Variants in RDH5 observed in about 807,000 individuals in gnomAD.
RDH5 encodes 11-cis RDH.
Under a neutral mutation model 24.0 loss-of-function variants are expected in RDH5, and 25 were observed. The ratio of observed to expected loss-of-function variants is 1.04; its 90% CI spans 0.76 to 1.46. The LOEUF is 1.46. Ranked by LOEUF, RDH5 falls within the 40% of genes most tolerant of loss-of-function variation. The probability of loss-of-function intolerance (pLI) is 0.00; values close to 1 mark genes in which losing one functional copy is unlikely to be tolerated. For synonymous variants in RDH5, 170 were observed against 175.2 expected (o/e 0.97, Z 0.23); for missense variants, 369 against 410.3 (o/e 0.90, Z 0.87).
In RDH5 at chr12:55,721,172, T is replaced by G. The variant is rs767831218; in HGVS notation, c.-13T>G. On this transcript the variant is annotated 5_prime_UTR_variant, in exon 2 of 5. Transcript: ENST00000257895. This position sits in a 1 kb window ranked among gnomAD's most constrained non-coding sequence, Gnocchi z 4.7. ...GCCTAGGCTGCCACCTGTAGGTCAC[T>G]TGGGCTCCAGCTATGTGGCTGCCTC... is the stretch of plus-strand genomic sequence containing the variant. The G allele has an allele frequency of 1.2e-6, 2 of 1,613,666 alleles. No homozygotes were observed. Among genetic ancestry groups the G allele is most frequent in the South Asian group, 2.2e-5 (2 of 91,072 alleles).
Position 55,724,045 on chromosome 12 carries a change from C to A in RDH5, c.729C>A (p.Thr243=). 6.2e-7 allele frequency: 1 copy of A among 1,609,566 alleles called. No individual in the cohort carries two copies. The highest frequency in any genetic ancestry group is 1.1e-5 in the South Asian group (1 of 91,034). Residue 243 remains threonine, a synonymous_variant, in exon 4 of 5, where the codon ACC becomes ACA. Coordinates refer to ENST00000257895, the MANE Select transcript of RDH5 (RefSeq NM_002905.5). Reference sequence around the variant, plus strand: ...CCCACTATGGGGGGGCCTTCCTCACCAAGTGTGAGTAGCCAGGCCCACACA... The same window carrying A: ...CCCACTATGGGGGGGCCTTCCTCACAAAGTGTGAGTAGCCAGGCCCACACA... ...TQAHYGGAFL[T]KYLKMQQRIM...
chr12:55,720,873 G>C (rs1308609555), intron 1 of RDH5: 1 of 295,784 alleles, frequency 3.4e-6, no homozygotes, highest in Non-Finnish European at 5.8e-6. Context: ...GACAGAGTGA[G>C]ACTCCATCTC....
chr12:55,721,361 C>T lies in RDH5; in HGVS notation c.177C>T (p.Cys59=), dbSNP rs1228372813. ...GAGGCTTCCGAGTCCTGGCCAGCTGCCTGACCCCCTCCGGGGCCGAGGACC... is the reference window on the plus strand; with the variant it reads ...GAGGCTTCCGAGTCCTGGCCAGCTGTCTGACCCCCTCCGGGGCCGAGGACC... ...DQRGFRVLAS[C]LTPSGAEDLQ... is the part of the protein sequence containing the mutation. The change falls in exon 2 of 5, where the codon TGC becomes TGT. Residue 59 remains cysteine (C), a synonymous_variant. Transcript: ENST00000257895. The surrounding 1 kb of genome is among the most constrained non-coding windows in gnomAD (Gnocchi z 4.7). 6.2e-7 allele frequency: 1 copy of T among 1,613,806 alleles called. No individual in the cohort carries two copies. The highest frequency in any genetic ancestry group is 8.5e-7 in the Non-Finnish European group (1 of 1,180,048).
rs1877091022 is a variant in RDH5 at position 55,724,321 on chromosome 12, G to A, written c.734-1G>A. On this transcript the variant is annotated splice_acceptor_variant, in intron 4 of 4. Coordinates refer to ENST00000257895, the MANE Select transcript of RDH5 (RefSeq NM_002905.5). LOFTEE classifies it high-confidence loss of function. Reference sequence around the variant, plus strand: ...GATTGCAACCACCTATGGGGCTGCAGACCTGAAAATGCAACAGCGCATCAT... The same window carrying A: ...GATTGCAACCACCTATGGGGCTGCAAACCTGAAAATGCAACAGCGCATCAT... 1 of 1,614,088 alleles carries A rather than the reference G, an allele frequency of 6.2e-7. No homozygotes were observed. The highest frequency in any genetic ancestry group is 8.5e-7 in the Non-Finnish European group (1 of 1,180,034).
At position 55,721,650 on chromosome 12, in the gene RDH5, G is replaced by A; in HGVS notation, c.311-39G>A. 6.2e-7 allele frequency: 1 copy of A among 1,603,460 alleles called. No homozygotes were observed. Among genetic ancestry groups the A allele is most frequent in the Non-Finnish European group, 8.5e-7 (1 of 1,179,822 alleles). On this transcript the variant is annotated intron_variant, in intron 2 of 4. Coordinates refer to ENST00000257895, the MANE Select transcript of RDH5 (RefSeq NM_002905.5). The surrounding 1 kb of genome is among the most constrained non-coding windows in gnomAD (Gnocchi z 4.7). ...AGGAAGAAGAGGGAGCTGTGGGAGT[G>A]CCTCACCTACCCCCAGCATCCTTTT...
rs62638191 is a variant in RDH5, at chr12:55,724,028, G to C, written c.712G>C (p.Gly238Arg). 3 of 1,611,424 alleles carry C rather than the reference G, an allele frequency of 1.9e-6. No homozygotes were observed. Among genetic ancestry groups the C allele is most frequent in the Non-Finnish European group, 2.5e-6 (3 of 1,179,806 alleles). The stretch of plus-strand genomic sequence containing the variant: ...GCCTCCTGCCACACAGGCCCACTAT[G>C]GGGGGGCCTTCCTCACCAAGTGTGA... The part of the protein sequence containing the change: ...RLPPATQAHY[G>R]GAFLTKYLKM... Residue 238 changes from glycine (G) to arginine (R), a missense_variant, in exon 4 of 5, where the codon GGG (glycine) becomes CGG (arginine). Physicochemically the swap from Gly to Arg is moderately radical, Grantham distance 125. Coordinates refer to ENST00000257895, the MANE Select transcript of RDH5 (RefSeq NM_002905.5).
intron 3 of RDH5, chr12:55,722,682 C>T (rs919852859): frequency 6.6e-6 from 1 of 151,976 alleles, no homozygotes; most frequent in Non-Finnish European, 1.5e-5. Context: ...CTTACAGGCA[C>T]GTGCCACCAC....
At chr12:55,723,022 G>A (rs1270430324) in intron 3 of RDH5, 1 of 152,154 alleles carries the variant, frequency 6.6e-6, no homozygotes, top group Non-Finnish European at 1.5e-5. Flanking sequence ...CTCTCACCCA[G>A]GGTGGAGTGC....
chr12:55,723,984 A>C lies in RDH5; in HGVS notation c.668A>C (p.Gln223Pro). 3 of 1,613,898 alleles carry C rather than the reference A, an allele frequency of 1.9e-6. No homozygotes were observed. In the South Asian group the frequency reaches 3.3e-5, roughly 18 times the overall value. ...TNLESLEKTLQACWARLPPAT... is the reference protein window; with the variant it reads ...TNLESLEKTLPACWARLPPAT... ...CTGGAGAGTCTGGAGAAAACCCTGCAGGCCTGCTGGGCACGGCTGCCTCCT... is the reference window on the plus strand; with the variant it reads ...CTGGAGAGTCTGGAGAAAACCCTGCCGGCCTGCTGGGCACGGCTGCCTCCT... Residue 223 changes from glutamine (Q) to proline (P), a missense_variant, in exon 4 of 5, where the codon CAG becomes CCG. Coordinates refer to ENST00000257895, the MANE Select transcript of RDH5 (RefSeq NM_002905.5).
Position 55,724,082 on chromosome 12 carries a change from AGG to A in RDH5, c.733+35_733+36del, listed in dbSNP as rs745739375. The A allele has an allele frequency of 3.1e-6, 5 of 1,598,474 alleles. 1 individual carries two copies. The South Asian group carries it at 5.5e-5, about 18-fold the overall frequency. ...GCCAGGCCCACACAGGGGCACATGA[AGG>A]GAAACAAGTACCAGAAAGGCCAGTC... On this transcript the variant is annotated intron_variant, in intron 4 of 4. Coordinates refer to ENST00000257895, the MANE Select transcript of RDH5 (RefSeq NM_002905.5).
At position 55,721,636 on chromosome 12, in the gene RDH5, G is replaced by A. The variant is rs1192346533; in HGVS notation, c.311-53G>A. ...TTTCAGATGCTCCCAGGAAGAAGAGGGAGCTGTGGGAGTGCCTCACCTACC... is the reference window on the plus strand; with the variant it reads ...TTTCAGATGCTCCCAGGAAGAAGAGAGAGCTGTGGGAGTGCCTCACCTACC... On this transcript the variant is annotated intron_variant, in intron 2 of 4. Transcript: ENST00000257895. This position sits in a 1 kb window ranked among gnomAD's most constrained non-coding sequence, Gnocchi z 4.7. 2.4e-5 allele frequency: 38 copies of A among 1,601,642 alleles called. No individual in the cohort carries two copies. The highest frequency in any genetic ancestry group is 2.3e-4 in the South Asian group (21 of 90,922).
intron 3 of RDH5, chr12:55,723,550 GTTTT>G (rs769146695): frequency 9.2e-6 from 3 of 325,296 alleles, no homozygotes; most frequent in South Asian, 5.3e-5. Flanking sequence ...GCTGATAATG[GTTTT>G]TTTTATTTTT....
intron 3 of RDH5, chr12:55,723,598 CT>C: frequency 2.4e-6 from 1 of 421,312 alleles, no homozygotes; most frequent in Non-Finnish European, 4.4e-6. Context: ...ATATAAGTAC[CT>C]GATAATATCA....
Position 55,721,661 on chromosome 12 carries a change from C to T in RDH5, c.311-28C>T. 1 of 1,605,390 alleles carries T rather than the reference C, an allele frequency of 6.2e-7. No homozygotes were observed. Among genetic ancestry groups the T allele is most frequent in the Non-Finnish European group, 8.5e-7 (1 of 1,179,942 alleles). Reference sequence around the variant, plus strand: ...GGAGCTGTGGGAGTGCCTCACCTACCCCCAGCATCCTTTTCATCTCCCCAC... The same window carrying T: ...GGAGCTGTGGGAGTGCCTCACCTACTCCCAGCATCCTTTTCATCTCCCCAC... On this transcript the variant is annotated intron_variant, in intron 2 of 4. Transcript: ENST00000257895. The surrounding 1 kb of genome is among the most constrained non-coding windows in gnomAD (Gnocchi z 4.7).
Position 55,721,314 on chromosome 12 carries a change from C to A in RDH5, c.130C>A (p.Leu44Met), listed in dbSNP as rs1448851314. 2 of 1,614,144 alleles carry A rather than the reference C, an allele frequency of 1.2e-6. No individual in the cohort carries two copies. Among genetic ancestry groups the A allele is most frequent in the South Asian group, 2.2e-5 (2 of 91,092 alleles). ...TGCDSGFGRL[L>M]ALQLDQRGFR... ...CTGTGACTCAGGCTTTGGGCGCCTT[C>A]TGGCACTGCAGCTGGACCAGAGAGG... Residue 44 changes from leucine (L) to methionine (M), a missense_variant, in exon 2 of 5, where the codon CTG becomes ATG. Coordinates refer to ENST00000257895, the MANE Select transcript of RDH5 (RefSeq NM_002905.5). The surrounding 1 kb of genome is among the most constrained non-coding windows in gnomAD (Gnocchi z 4.7).
Position 55,721,981 on chromosome 12 carries a change from ACAGCAGCC to A in RDH5, c.569+37_569+44del. 3 of 1,606,348 alleles carry A rather than the reference ACAGCAGCC, an allele frequency of 1.9e-6. No individual in the cohort carries two copies. Among genetic ancestry groups the A allele is most frequent in the Non-Finnish European group, 2.5e-6 (3 of 1,176,936 alleles). ...TACAGGGCTCTGGGTTCCAGGACTAACAGCAGCCCACTCAACAAACGTGGGCCAGCAGA... is the reference window on the plus strand; with the variant it reads ...TACAGGGCTCTGGGTTCCAGGACTAACACTCAACAAACGTGGGCCAGCAGA... On this transcript the variant is annotated intron_variant, in intron 3 of 4. Coordinates refer to ENST00000257895, the MANE Select transcript of RDH5 (RefSeq NM_002905.5). The surrounding 1 kb of genome is among the most constrained non-coding windows in gnomAD (Gnocchi z 4.7).
In RDH5 at chr12:55,722,024, G is replaced by C. The variant is rs1876951158; in HGVS notation, c.569+77G>C. ...AACGTGGGCCAGCAGAGGTGGTTAA[G>C]ATACAGCACATTGGAATAGTTAAGA... On this transcript the variant is annotated intron_variant, in intron 3 of 4. Coordinates refer to ENST00000257895, the MANE Select transcript of RDH5 (RefSeq NM_002905.5). 5 of 1,460,980 alleles carry C rather than the reference G, an allele frequency of 3.4e-6. No homozygotes were observed. In the South Asian group the frequency reaches 5.0e-5, roughly 15 times the overall value. The allele number at this position is 1,460,980 out of a possible 1,614,324, so 90.5% of individuals were successfully genotyped here. A position where few individuals can be genotyped will look rare whatever the true frequency, so the allele number is the denominator to read the frequency against.
intron 3 of RDH5, 135 bp downstream of exon 3, chr12:55,722,082 A>C: frequency 4.6e-5 from 37 of 808,282 alleles, no homozygotes; most frequent in Non-Finnish European, 6.9e-5. Flanking sequence ...TCATGGGTTC[A>C]ATGAAGTCTA....
intron 3 of RDH5, 142 bp downstream of exon 3, chr12:55,722,089 T>C (rs1876953341): frequency 1.3e-6 from 1 of 772,678 alleles, no homozygotes; most frequent in Admixed American, 2.9e-5. Context: ...TTCAATGAAG[T>C]CTACCCTTAT....
Sources: allele counts gnomAD v4.1 joint callset, GRCh38; gene constraint gnomAD v4.1.1; non-coding constraint Gnocchi (gnomAD v3.1); transcripts MANE v1.5; gene names NCBI Gene and HGNC (gene_info 2026-07-23, HGNC 2026-07-21).